The following NLRP13 variants were observed in gnomAD, a reference collection of about 807,000 sequenced individuals.
The protein encoded by NLRP13 is NACHT, LRR and PYD domains-containing protein 13.
Under a neutral mutation model 94.4 loss-of-function variants are expected in NLRP13, and 82 were observed. The ratio of observed to expected loss-of-function variants is 0.87; its 90% confidence interval spans 0.73 to 1.04. The LOEUF (loss-of-function observed/expected upper bound fraction) is 1.04, where lower values mean the gene tolerates loss of function less well. Ranked by LOEUF, NLRP13 falls within the 50% of genes least tolerant of loss-of-function variation. NLRP13 has a pLI of 0.00. For synonymous variants in NLRP13, 553 were observed against 464.7 expected, an observed-to-expected ratio of 1.19 and a Z score of -2.45; for missense variants, 1,426 against 1,230.8, an observed-to-expected ratio of 1.16 and a Z score of -2.37.
chr19:55,898,950 A>AT lies in NLRP13; in HGVS notation c.2790-14_2790-13insA, dbSNP rs769881012. ...ACAACCTGACAAACTGCAAAATAAA[A>AT]ACATACAAAAGGGGGGAAAGTAATT... On this transcript the variant is annotated splice_polypyrimidine_tract_variant and intron_variant, in intron 9 of 10. Coordinates refer to ENST00000342929, the MANE Select transcript of NLRP13 (RefSeq NM_176810.2). 6.2e-7 allele frequency: 1 copy of AT among 1,605,880 alleles called. No homozygotes were observed. Among genetic ancestry groups the AT allele is most frequent in the East Asian group, 2.2e-5 (1 of 44,508 alleles).
intron 4 of NLRP13, among the ~76,000 whole-genome samples, chr19:55,920,579 T>C (rs2123137138): frequency 6.6e-6 from 1 of 151,946 alleles, no homozygotes; most frequent in East Asian, 1.9e-4. Context: ...GGCAGAGAAA[T>C]GCAAATTAAA....
intron 8 of NLRP13, 79 bp from the exon 9 acceptor site, chr19:55,902,284 C>G: frequency 1.6e-6 from 2 of 1,269,774 alleles, no homozygotes; most frequent in Non-Finnish European, 2.2e-6. Context: ...CCTCAGGGCC[C>G]CCTCCGAGCC....
chr19:55,928,007 G>C (rs760358422), intron 1 of NLRP13, among the ~76,000 whole-genome samples: 2 of 152,198 alleles, frequency 1.3e-5, no homozygotes, highest in African/African-American at 4.8e-5. Flanking sequence ...TCATGGTACA[G>C]TTTCCTAGAT....
intron 1 of NLRP13, among the ~76,000 whole-genome samples, chr19:55,930,897 T>A (rs944206723): frequency 4.2e-5 from 4 of 94,914 alleles, no homozygotes; most frequent in Non-Finnish European, 9.4e-5. Context: ...TATATATATA[T>A]AAAATTTTAA....
At chr19:55,923,393 G>A (rs1986886424) in intron 4 of NLRP13, among the ~76,000 whole-genome samples, 1 of 152,176 alleles carries the variant, frequency 6.6e-6, no homozygotes, top group Non-Finnish European at 1.5e-5. Flanking sequence ...TTACCCTGGG[G>A]CAAAGGCCAA....
chr19:55,893,075 T>C (rs1186870837), downstream of NLRP13, among the ~76,000 whole-genome samples: 1 of 152,122 alleles, frequency 6.6e-6, no homozygotes, highest in Admixed American at 6.6e-5. Context: ...TAGACAAAAG[T>C]AATTGCCATT....
Position 55,896,127 on chromosome 19 carries a change from C to T in NLRP13, c.2958-8G>A, listed in dbSNP as rs115776168. The T allele has an allele frequency of 3.6e-3, 5,825 of 1,613,214 alleles. 170 individuals are homozygous for T. The African/African-American group carries it at 0.067, about 18-fold the overall frequency. On this transcript the variant is annotated splice_polypyrimidine_tract_variant and splice_region_variant and intron_variant, in intron 10 of 10. Transcript: ENST00000342929. ...AGATTGCATTTCGCCAACCTAGGGG[C>T]GGGTGGGAAGAAAGCACAACAGATA... is the stretch of plus-strand genomic sequence containing the variant.
chr19:55,894,508 A>G (rs1022963806), downstream of NLRP13, among the ~76,000 whole-genome samples: 2 of 152,112 alleles, frequency 1.3e-5, no homozygotes, highest in African/African-American at 2.4e-5. Flanking sequence ...CTTCATCTCT[A>G]GTCACCTCTC....
chr19:55,901,002 C>A (rs750086815), intron 9 of NLRP13, among the ~76,000 whole-genome samples: 1 of 152,126 alleles, frequency 6.6e-6, no homozygotes, highest in Non-Finnish European at 1.5e-5. Context: ...TTGGTACATG[C>A]TAGACCGCAC....
chr19:55,898,560 C>A (rs905761504), intron 10 of NLRP13, among the ~76,000 whole-genome samples: 1 of 151,906 alleles, frequency 6.6e-6, no homozygotes, highest in Admixed American at 6.6e-5. Flanking sequence ...GGTCAGGCTG[C>A]TCTCGAACTC....
chr19:55,908,039 C>T (rs1187126057), intron 6 of NLRP13, 83 bp from the exon 7 acceptor site: 2 of 1,249,136 alleles, frequency 1.6e-6, no homozygotes, highest in African/African-American at 3.0e-5. Context: ...ACCCTGCCTT[C>T]TACTACACTC....
downstream of NLRP13, among the ~76,000 whole-genome samples, chr19:55,893,960 C>G (rs996433591): frequency 2.0e-5 from 3 of 151,412 alleles, no homozygotes; most frequent in Admixed American, 2.0e-4. Context: ...CTAAAGTAGG[C>G]AAGGTTCCTT....
Position 55,911,697 on chromosome 19 carries a change from A to T in NLRP13, c.2111+9T>A. ...GAAAGCTGAGAAAGAAATGGTTTGT[A>T]ATACTCACTCCAGAATTTCCAAGTC... On this transcript the variant is annotated intron_variant, in intron 5 of 10. Transcript: ENST00000342929. 3 of 1,581,154 alleles carry T rather than the reference A, an allele frequency of 1.9e-6. No homozygotes were observed. The highest frequency in any genetic ancestry group is 1.7e-6 in the Non-Finnish European group (2 of 1,164,954).
In NLRP13 at chr19:55,922,390, T is replaced by C. The variant is rs989473918; in HGVS notation, c.523+1524A>G. ...GTCACTAGGCTTGAGTGCAGTGGCATGATCTTGGCTCACTGCAACCTCTGC... is the reference window on the plus strand; with the variant it reads ...GTCACTAGGCTTGAGTGCAGTGGCACGATCTTGGCTCACTGCAACCTCTGC... On this transcript the variant is annotated intron_variant, in intron 4 of 10. Transcript: ENST00000342929. 2.6e-5 allele frequency among the ~76,000 whole-genome samples: 4 copies of C among 152,104 alleles called. No individual in the cohort carries two copies. The South Asian group carries it at 8.3e-4, about 32-fold the overall frequency.
intron 9 of NLRP13, 87 bp from the exon 10 acceptor site, chr19:55,899,024 G>T (rs1986094801): frequency 2.2e-6 from 3 of 1,394,700 alleles, no homozygotes; most frequent in South Asian, 1.4e-5. Flanking sequence ...CACGTCCAAG[G>T]AAAGGAGACA....
chr19:55,913,886 G>C (rs1986611554), intron 4 of NLRP13, among the ~76,000 whole-genome samples: 2 of 152,074 alleles, frequency 1.3e-5, no homozygotes, highest in Admixed American at 1.3e-4. Context: ...CCAGTAGAGG[G>C]GGCCCATGAG....
chr19:55,900,207 C>G (rs1435110708), intron 9 of NLRP13, among the ~76,000 whole-genome samples: 1 of 151,470 alleles, frequency 6.6e-6, no homozygotes, highest in Non-Finnish European at 1.5e-5. Context: ...AAAGAATTCC[C>G]TACAAGTGAC....
Position 55,912,613 on chromosome 19 carries a change from A to T in NLRP13, c.1204T>A (p.Ser402Thr). 6.2e-7 allele frequency: 1 copy of T among 1,614,174 alleles called. No individual in the cohort carries two copies. The highest frequency in any genetic ancestry group is 8.5e-7 in the Non-Finnish European group (1 of 1,180,020). ...RVYFMRHFDD[S>T]SEVEKILQQL... ...TGCAGGATTTTCTCAACTTCACTTG[A>T]GTCATCAAAGTGTCTCATGAAATAT... is the stretch of plus-strand genomic sequence containing the variant. Residue 402 changes from serine to threonine, a missense_variant, in exon 5 of 11, where the codon TCA (serine) becomes ACA (threonine). Physicochemically the swap from Ser to Thr is moderately conservative, Grantham distance 58. Coordinates refer to ENST00000342929, the MANE Select transcript of NLRP13 (RefSeq NM_176810.2).
At chr19:55,894,620 CTGTCT>C (rs1160418265), downstream of NLRP13, among the ~76,000 whole-genome samples, 1 of 152,206 alleles carries the variant, frequency 6.6e-6, no homozygotes, top group African/African-American at 2.4e-5. Context: ...GGTCACCCTC[CTGTCT>C]TATCTCAACC....
Sources: gnomAD v4.1 joint callset for allele counts (sites outside exome capture counted in the v4.1 genomes callset) on GRCh38, gnomAD v4.1.1 for gene constraint, MANE v1.5 for transcripts, NCBI Gene and HGNC (gene_info 2026-07-23, HGNC 2026-07-21) for gene names.